PAFAH1B1: variants seen among roughly 807,000 people sequenced by gnomAD.
PAFAH1B1 encodes platelet-activating factor acetylhydrolase IB subunit beta.
PAFAH1B1 carries 2 observed loss-of-function variants against 57.5 expected under a neutral mutation model. That is an observed-to-expected ratio of 0.03 (90% CI 0.01 to 0.11). The LOEUF (loss-of-function observed/expected upper bound fraction) is 0.11. Ranked by LOEUF, PAFAH1B1 falls within the 10% of genes least tolerant of loss-of-function variation. The pLI is 1.00. For missense variants in PAFAH1B1, 257 were observed against 512.0 expected (o/e 0.50, Z 4.81); for synonymous variants, 152 against 169.6 (o/e 0.90, Z 0.81).
At chr17:2,593,448 A>G (rs2068043223), upstream of PAFAH1B1, 1 of 152,248 alleles carries the variant, frequency 6.6e-6, no homozygotes, top group South Asian at 1.9e-4. Context: ...TCGCACGCAG[A>G]CTCGCCCGCC....
At chr17:2,606,541 T>G (rs1454880311) in intron 1 of PAFAH1B1, among the ~76,000 whole-genome samples, 2 of 152,042 alleles carry the variant, frequency 1.3e-5, no homozygotes, top group African/African-American at 4.8e-5. Context: ...TTTTGTATTT[T>G]TAGTAGAGAT....
At chr17:2,614,852 G>A (rs1315690394) in intron 1 of PAFAH1B1, among the ~76,000 whole-genome samples, 1 of 152,014 alleles carries the variant, frequency 6.6e-6, no homozygotes. Context: ...CCTCCAAAGG[G>A]GCAAAGATTA....
chr17:2,616,988 G>A (rs1402900264), intron 1 of PAFAH1B1, among the ~76,000 whole-genome samples: 6 of 152,074 alleles, frequency 3.9e-5, no homozygotes, highest in Non-Finnish European at 4.4e-5. Flanking sequence ...CAGGAGAATG[G>A]TGTGAACCCG....
In PAFAH1B1 at chr17:2,612,588, C is replaced by T. The variant is rs555679271; in HGVS notation, c.-191+18582C>T. On this transcript the variant is annotated intron_variant, in intron 1 of 10. Transcript: ENST00000397195. The stretch of plus-strand genomic sequence containing the variant: ...GATAATTTCTAGATGTAAGAGGGTT[C>T]GCCAACTATAGCTAGCAAGTCAAAT... 9.9e-4 allele frequency among the ~76,000 whole-genome samples: 151 copies of T among 151,942 alleles called. 5 individuals are homozygous for T. In the South Asian group the frequency reaches 0.029, roughly 30 times the overall value.
At chr17:2,609,579 C>T (rs1397449206) in intron 1 of PAFAH1B1, 1 of 152,028 alleles carries the variant, frequency 6.6e-6, no homozygotes, top group Non-Finnish European at 1.5e-5. Context: ...GTGGCGCTGT[C>T]TCGGCTCCTG....
At chr17:2,644,389 A>C (rs751945204) in intron 2 of PAFAH1B1, among the ~76,000 whole-genome samples, 54 of 152,146 alleles carry the variant, frequency 3.5e-4, no homozygotes, top group Non-Finnish European at 7.1e-4. Context: ...TAAAAATACA[A>C]AAAATGAGCC....
intron 1 of PAFAH1B1, among the ~76,000 whole-genome samples, chr17:2,619,158 A>G (rs766692499): frequency 6.6e-6 from 1 of 151,094 alleles, no homozygotes; most frequent in Non-Finnish European, 1.5e-5. Flanking sequence ...ATTTTTCTTT[A>G]TTTATTTTTG....
rs534191053 is a variant in PAFAH1B1 at position 2,615,480 on chromosome 17, G to A, written c.-191+21474G>A. 2.5e-3 allele frequency among the ~76,000 whole-genome samples: 383 copies of A among 152,194 alleles called. 1 individual carries two copies. Among genetic ancestry groups the A allele is most frequent in the Admixed American group, 3.4e-3 (52 of 15,288 alleles). ...TTTTGAGATGGAGTCTCACTGTGTCGCCCAGCCTGGAGTGCAGTGGCACAA... is the reference window on the plus strand; with the variant it reads ...TTTTGAGATGGAGTCTCACTGTGTCACCCAGCCTGGAGTGCAGTGGCACAA... On this transcript the variant is annotated intron_variant, in intron 1 of 10. Coordinates refer to ENST00000397195, the MANE Select transcript of PAFAH1B1 (RefSeq NM_000430.4).
intron 1 of PAFAH1B1, among the ~76,000 whole-genome samples, chr17:2,622,984 C>T (rs554575522): frequency 1.6e-4 from 24 of 152,346 alleles, no homozygotes; most frequent in African/African-American, 4.6e-4. Flanking sequence ...CTGAGCTGTA[C>T]GTCAGCCCCT....
intron 1 of PAFAH1B1, among the ~76,000 whole-genome samples, chr17:2,617,807 C>G (rs1268991581): frequency 1.3e-5 from 2 of 152,030 alleles, no homozygotes; most frequent in Non-Finnish European, 2.9e-5. Flanking sequence ...GTAATCCCAG[C>G]TACTCGGGAG....
rs2069091770 is a variant in PAFAH1B1 at position 2,665,306 on chromosome 17, AAATT to A, written c.33-65_33-62del. 6.8e-6 allele frequency: 6 copies of A among 888,480 alleles called. No homozygotes were observed. In the South Asian group the frequency reaches 8.0e-5, roughly 12 times the overall value. 55.0% of individuals were successfully genotyped at this position (888,480 alleles called of 1,614,324 possible). A position where few individuals can be genotyped will look rare whatever the true frequency, so the allele number is the denominator to read the frequency against. On this transcript the variant is annotated intron_variant, in intron 2 of 10. Coordinates refer to ENST00000397195, the MANE Select transcript of PAFAH1B1 (RefSeq NM_000430.4). ...CTTCAGGGTTAATGAGATTTTAAAT[AAATT>A]CTATTTCTTCAGAATAGAAATGAGG...
intron 2 of PAFAH1B1, among the ~76,000 whole-genome samples, chr17:2,655,861 C>G (rs1345602112): frequency 6.6e-6 from 1 of 151,720 alleles, no homozygotes; most frequent in East Asian, 1.9e-4. Context: ...TGCTGAGTAG[C>G]TTCTATTTTC....
At chr17:2,649,506 G>A (rs1361937429) in intron 2 of PAFAH1B1, among the ~76,000 whole-genome samples, 4 of 151,574 alleles carry the variant, frequency 2.6e-5, no homozygotes, top group Admixed American at 1.3e-4. Context: ...CCTGGGAGGC[G>A]GGGAGGTTGC....
intron 1 of PAFAH1B1, among the ~76,000 whole-genome samples, chr17:2,635,029 C>T (rs1001720499): frequency 1.3e-5 from 2 of 151,804 alleles, no homozygotes. Context: ...CAGGCATGGT[C>T]GTGGGTGCCT....
In PAFAH1B1 at chr17:2,681,645, G is replaced by A. The variant is rs900771122; in HGVS notation, c.1160-84G>A. 48 of 1,048,958 alleles carry A rather than the reference G, an allele frequency of 4.6e-5. No homozygotes were observed. In the African/African-American group the frequency reaches 5.6e-4, roughly 12 times the overall value. The allele number at this position is 1,048,958 out of a possible 1,614,324, so 65.0% of individuals were successfully genotyped here. On this transcript the variant is annotated intron_variant, in intron 10 of 10. Transcript: ENST00000397195. ...CCCGGCTAATTTTTTTTTTAATTTTGTATTTTGTAGAGAGGGGGTCTCACT... is the reference window on the plus strand; with the variant it reads ...CCCGGCTAATTTTTTTTTTAATTTTATATTTTGTAGAGAGGGGGTCTCACT...
rs775288527 is a variant in PAFAH1B1, at chr17:2,666,101, CTT to C, written c.192+16_192+17del. On this transcript the variant is annotated intron_variant, in intron 4 of 10. Transcript: ENST00000397195. ...AGATTACAAAAGAAGGTAACTAAGTCTTTTTTCTTTAAAATTAGTTGTATTCA... is the reference window on the plus strand; with the variant it reads ...AGATTACAAAAGAAGGTAACTAAGTCTTTTCTTTAAAATTAGTTGTATTCA... 18 of 1,479,380 alleles carry C rather than the reference CTT, an allele frequency of 1.2e-5. No homozygotes were observed. The South Asian group carries it at 1.8e-4, about 15-fold the overall frequency. The allele number at this position is 1,479,380 out of a possible 1,614,324, so 91.6% of individuals were successfully genotyped here. A position where few individuals can be genotyped will look rare whatever the true frequency, so the allele number is the denominator to read the frequency against.
intron 2 of PAFAH1B1, 56 bp downstream of exon 2, chr17:2,638,376 G>C: frequency 7.0e-7 from 1 of 1,431,310 alleles, no homozygotes; most frequent in South Asian, 1.2e-5. Flanking sequence ...AGAGAAAGTA[G>C]TAAATTAAAA....
intron 2 of PAFAH1B1, among the ~76,000 whole-genome samples, chr17:2,663,604 C>G (rs569492800): frequency 1.3e-5 from 2 of 151,802 alleles, no homozygotes; most frequent in Non-Finnish European, 2.9e-5. Context: ...GGTAGTACAC[C>G]TTGCTGAAGT....
chr17:2,677,342 A>G (rs1284237995), intron 9 of PAFAH1B1, among the ~76,000 whole-genome samples: 1 of 152,162 alleles, frequency 6.6e-6, no homozygotes, highest in African/African-American at 2.4e-5. Context: ...CTGTATTTCC[A>G]TAGAAAGATA....
Sources: gnomAD v4.1 joint callset for allele counts (sites outside exome capture counted in the v4.1 genomes callset) on GRCh38, gnomAD v4.1.1 for gene constraint, MANE v1.5 for transcripts, NCBI Gene and HGNC (gene_info 2026-07-23, HGNC 2026-07-21) for gene names.